The following MKKS variants were observed in gnomAD, a reference collection of about 807,000 sequenced individuals.
MKKS encodes the protein molecular chaperone MKKS.
A neutral mutation model predicts 33.2 loss-of-function variants in MKKS; 29 were observed. The observed-to-expected ratio is 0.87, with a 90% CI of 0.65 to 1.19. MKKS has a LOEUF of 1.19. Among genes scored for constraint, MKKS ranks in the 50% most tolerant of loss-of-function variants. The pLI, the probability that MKKS is intolerant of heterozygous loss-of-function variation, is 0.00. For missense variants in MKKS, 661 were observed against 662.3 expected, an observed-to-expected ratio of 1.00 and a Z score of 0.02; for synonymous variants, 260 against 244.0, an observed-to-expected ratio of 1.07 and a Z score of -0.61.
In MKKS at chr20:10,413,245, A is replaced by G. The variant is rs764654558; in HGVS notation, c.270T>C (p.Asp90=). 1.2e-6 allele frequency: 2 copies of G among 1,614,240 alleles called. No homozygotes were observed. Among genetic ancestry groups the G allele is most frequent in the South Asian group, 1.1e-5 (1 of 91,084 alleles). Residue 90 remains aspartate (D), a synonymous_variant, in exon 3 of 6, where the codon GAT becomes GAC. Coordinates refer to ENST00000347364, the MANE Select transcript of MKKS (RefSeq NM_170784.3). ...AAAGAATAGCTGTGAATAAGCCACA[A>G]TCACTGAAGCTTGACACATGATTCT... ...SIQNHVSSFS[D]CGLFTAILCC... is the part of the protein sequence containing the mutation.
chr20:10,419,507 T>C (rs1324651300), intron 2 of MKKS, among the ~76,000 whole-genome samples: 2 of 152,202 alleles, frequency 1.3e-5, no homozygotes, highest in Non-Finnish European at 2.9e-5. Context: ...ATGAGGGATA[T>C]GTTCCAAGAC....
chr20:10,431,583 A>C, intron 1 of MKKS: 1 of 151,752 alleles, frequency 6.6e-6, no homozygotes, highest in African/African-American at 2.4e-5. Flanking sequence ...CGCACAAAAA[A>C]CTGCATAAAG....
Position 10,405,159 on chromosome 20 carries a change from T to C in MKKS, c.*88A>G, listed in dbSNP as rs764635692. ...TGTCCAAATATGTAGAACAGGGCTT[T>C]GGGAGAAAACAAATACACTCACAAT... On this transcript the variant is annotated 3_prime_UTR_variant, in exon 6 of 6. Coordinates refer to ENST00000347364, the MANE Select transcript of MKKS (RefSeq NM_170784.3). The C allele has an allele frequency of 9.4e-7, 1 of 1,069,046 alleles. No individual in the cohort carries two copies. Among genetic ancestry groups the C allele is most frequent in the African/African-American group, 1.6e-5 (1 of 62,718 alleles). The allele number at this position is 1,069,046 out of a possible 1,614,324, so 66.2% of individuals were successfully genotyped here. A position where few individuals can be genotyped will look rare whatever the true frequency, so the allele number is the denominator to read the frequency against.
chr20:10,423,454 T>C (rs1440857454), intron 1 of MKKS, among the ~76,000 whole-genome samples: 1 of 152,036 alleles, frequency 6.6e-6, no homozygotes, highest in African/African-American at 2.4e-5. Context: ...AGAGACTGGA[T>C]AGGATAAAAG....
chr20:10,408,912 A>G, intron 3 of MKKS, 109 bp from the exon 4 acceptor site: 5 of 783,082 alleles, frequency 6.4e-6, no homozygotes, highest in South Asian at 1.8e-5. Flanking sequence ...CAAGCATATA[A>G]TTTAAAATAT....
In MKKS at chr20:10,422,303, C is replaced by T. The variant is rs184121379; in HGVS notation, c.-648-1545G>A. ...ATTTTATGGCCTTTTCCTTTTCTAA[C>T]GTACTGTGGTATACTATATACTTTT... On this transcript the variant is annotated intron_variant, in intron 1 of 5. Coordinates refer to ENST00000347364, the MANE Select transcript of MKKS (RefSeq NM_170784.3). 2.0e-5 allele frequency among the ~76,000 whole-genome samples: 3 copies of T among 152,124 alleles called. No homozygotes were observed. The East Asian group carries it at 5.8e-4, about 29-fold the overall frequency.
At position 10,413,213 on chromosome 20, in the gene MKKS, T is replaced by C. The variant is rs776936558; in HGVS notation, c.302A>G (p.Asn101Ser). 15 of 1,614,192 alleles carry C rather than the reference T, an allele frequency of 9.3e-6. No homozygotes were observed. Among genetic ancestry groups the C allele is most frequent in the Non-Finnish European group, 1.2e-5 (14 of 1,180,018 alleles). Residue 101 changes from asparagine to serine, a missense_variant, in exon 3 of 6, where the codon AAC becomes AGC. Transcript: ENST00000347364. The stretch of plus-strand genomic sequence containing the variant: ...TAATCTCTGAACATTTTCAATCAGG[T>C]TGCAGCAAAGAATAGCTGTGAATAA... ...CGLFTAILCCNLIENVQRLGL... is the reference protein window; with the variant it reads ...CGLFTAILCCSLIENVQRLGL...
chr20:10,412,695 C>CCAA lies in MKKS; in HGVS notation c.817_819dup (p.Leu273dup). ...TGCCTTCCTAGGTTAAGCAGCTGGT[C>CCAA]CAAGACTGCATTTTCAAGAGAAACC... On this transcript the variant is annotated inframe_insertion, in exon 3 of 6. Transcript: ENST00000347364. 1 of 1,614,122 alleles carries CCAA rather than the reference C, an allele frequency of 6.2e-7. No individual in the cohort carries two copies. The highest frequency in any genetic ancestry group is 8.5e-7 in the Non-Finnish European group (1 of 1,180,032).
chr20:10,416,433 C>T (rs2064939582), intron 2 of MKKS, among the ~76,000 whole-genome samples: 1 of 151,778 alleles, frequency 6.6e-6, no homozygotes, highest in Admixed American at 6.6e-5. Flanking sequence ...AAAACAACAA[C>T]AGGAGTCAAC....
chr20:10,408,707 A>G lies in MKKS; in HGVS notation c.1082T>C (p.Phe361Ser). The G allele has an allele frequency of 1.2e-5, 19 of 1,614,102 alleles. No individual in the cohort carries two copies. Among genetic ancestry groups the G allele is most frequent in the Non-Finnish European group, 1.6e-5 (19 of 1,179,972 alleles). The change falls in exon 4 of 6, where the codon TTT becomes TCT. Residue 361 changes from phenylalanine to serine, a missense_variant. Physicochemically the swap from Phe to Ser is radical, Grantham distance 155. Transcript: ENST00000347364. The stretch of plus-strand genomic sequence containing the variant: ...TGTTGCTTCATTAGGAATAAGATGA[A>G]AAAAATGTTTGGAGCCAAATTTTGC... ...CTAKFGSKHF[F>S]HLIPNEATIC...
chr20:10,430,586 G>A (rs2065048108), intron 1 of MKKS, among the ~76,000 whole-genome samples: 1 of 152,194 alleles, frequency 6.6e-6, no homozygotes, highest in Admixed American at 6.5e-5. Flanking sequence ...ACTTCTCTGG[G>A]CAGTTTCAGT....
rs1206214537 is a variant in MKKS, at chr20:10,402,946, C to T, written c.*2301G>A. The T allele has an allele frequency of 6.6e-6, 1 of 152,184 alleles. No individual in the cohort carries two copies. The highest frequency in any genetic ancestry group is 1.5e-5 in the Non-Finnish European group (1 of 68,048). The allele number at this position is 152,184 out of a possible 1,614,324, so 9.4% of individuals were successfully genotyped here. ...TGACTTAAAACAACATTTATTATCT[C>T]ACAGATTTTGTGGGTTAGGAACCAA... On this transcript the variant is annotated 3_prime_UTR_variant, in exon 6 of 6. Coordinates refer to ENST00000347364, the MANE Select transcript of MKKS (RefSeq NM_170784.3).
chr20:10,406,097 C>G (rs988543242), intron 5 of MKKS, among the ~76,000 whole-genome samples: 12 of 152,092 alleles, frequency 7.9e-5, no homozygotes, highest in African/African-American at 2.9e-4. Context: ...TTTATCTCTG[C>G]AAAATGTTTG....
intron 1 of MKKS, among the ~76,000 whole-genome samples, chr20:10,431,527 A>AAAACCAAACCAAACCAAACC (rs60563851): frequency 2.0e-5 from 3 of 150,728 alleles, no homozygotes; most frequent in African/African-American, 7.4e-5. Flanking sequence ...ATAGGGTCAA[A>AAAACCAAACCAAACCAAACC]AAACCAAACC....
At chr20:10,414,080 C>T (rs1182363885) in intron 2 of MKKS, 149 bp from the exon 3 acceptor site, 1 of 366,918 alleles carries the variant, frequency 2.7e-6, no homozygotes, top group African/African-American at 2.1e-5. Context: ...GAAAGGTAGA[C>T]CAACTTTGAC....
rs372986156 is a variant in MKKS, at chr20:10,425,053, C to CAAA, written c.-648-4298_-648-4296dup. Among the ~76,000 whole-genome samples the CAAA allele has an allele frequency of 2.3e-3, 280 of 122,336 alleles. 2 individuals carry two copies. The highest frequency in any genetic ancestry group is 0.017 in the Middle Eastern group (4 of 230). 80.3% of individuals were successfully genotyped at this position (122,336 alleles called of 152,430 possible). A position where few individuals can be genotyped will look rare whatever the true frequency, so the allele number is the denominator to read the frequency against. ...AGGCAACAAGAGCTAAACTCCGTCT[C>CAAA]AAAAAAAAAAAAAGAAAGAAAGAAA... On this transcript the variant is annotated intron_variant, in intron 1 of 5. Transcript: ENST00000347364.
intron 1 of MKKS, among the ~76,000 whole-genome samples, chr20:10,421,102 G>C (rs113437169): frequency 6.7e-6 from 1 of 149,658 alleles, no homozygotes; most frequent in African/African-American, 2.5e-5. Context: ...CCACAATAGA[G>C]TAAGAGCCTT....
intron 1 of MKKS, among the ~76,000 whole-genome samples, chr20:10,423,985 T>C (rs1332516063): frequency 6.7e-6 from 1 of 148,284 alleles, no homozygotes; most frequent in Non-Finnish European, 1.5e-5. Context: ...TTGATTTGGC[T>C]AATGGGGGTG....
intron 3 of MKKS, among the ~76,000 whole-genome samples, chr20:10,410,592 C>T (rs982246127): frequency 6.6e-6 from 1 of 152,196 alleles, no homozygotes; most frequent in African/African-American, 2.4e-5. Context: ...TGCGCCACTG[C>T]ACTCCAGCCT....
Sources: allele counts gnomAD v4.1 joint callset (sites outside exome capture counted in the v4.1 genomes callset), GRCh38; gene constraint gnomAD v4.1.1; transcripts MANE v1.5; gene names NCBI Gene and HGNC (gene_info 2026-07-23, HGNC 2026-07-21).